GLRA2: variants seen among roughly 807,000 people sequenced by gnomAD.
GLRA2 encodes glycine receptor alpha 2, also known as glycine receptor subunit alpha-2.
A neutral mutation model predicts 31.6 loss-of-function variants in GLRA2; 11 were observed. The ratio of observed to expected loss-of-function variants is 0.35; its 90% CI spans 0.22 to 0.58. GLRA2 has a LOEUF of 0.58. Among genes scored for constraint, GLRA2 ranks in the 20% least tolerant of loss-of-function variants. The pLI is 0.84. For synonymous variants in GLRA2, 132 were observed against 134.0 expected, an observed-to-expected ratio of 0.99 and a Z score of 0.10; for missense variants, 212 against 351.8, an observed-to-expected ratio of 0.60 and a Z score of 3.18.
At chrX:14,684,230 A>T (rs1229034269) in intron 7 of GLRA2, among the ~76,000 whole-genome samples, 2 of 110,654 alleles carry the variant, frequency 1.8e-5, no homozygotes, top group Non-Finnish European at 3.8e-5. Context: ...CTTGTAGTAT[A>T]GTTTGAAGTC....
At chrX:14,508,653 T>C in the GLRA2 span, among the ~76,000 whole-genome samples, 1 of 111,940 alleles carries the variant, frequency 8.9e-6, no homozygotes, top group African/African-American at 3.2e-5. Flanking sequence ...TTGTTTGAGA[T>C]TAGGGACTTC....
At chrX:14,475,769 A>G in the GLRA2 span, among the ~76,000 whole-genome samples, 1 of 110,828 alleles carries the variant, frequency 9.0e-6, no homozygotes, top group Non-Finnish European at 1.9e-5. Context: ...TACCCTAAGT[A>G]TAATAGATAT....
chrX:14,481,101 T>C, the GLRA2 span, among the ~76,000 whole-genome samples: 2 of 111,582 alleles, frequency 1.8e-5, no homozygotes, highest in African/African-American at 6.5e-5. Context: ...CTTGGTTAGA[T>C]ATATTCCTAG....
intron 6 of GLRA2, 24 bp downstream of exon 6, chrX:14,607,292 T>TC (rs2090345331): frequency 7.2e-6 from 8 of 1,109,369 alleles, no homozygotes; most frequent in South Asian, 2.0e-5. Flanking sequence ...TTTTTTTTTT[T>TC]CAGCTGTTAA....
At chrX:14,620,807 G>A (rs2090506892) in intron 7 of GLRA2, among the ~76,000 whole-genome samples, 1 of 111,649 alleles carries the variant, frequency 9.0e-6, no homozygotes, top group African/African-American at 3.3e-5. Flanking sequence ...TTAGAGATGA[G>A]AAAACTGATG....
intron 6 of GLRA2, among the ~76,000 whole-genome samples, chrX:14,607,737 T>C (rs763027879): frequency 1.8e-5 from 2 of 111,437 alleles, no homozygotes; most frequent in South Asian, 7.6e-4. Context: ...AGAGCTGTTG[T>C]GTTCTTCAGT....
At chrX:14,640,161 T>A (rs948302072) in intron 7 of GLRA2, among the ~76,000 whole-genome samples, 1 of 111,177 alleles carries the variant, frequency 9.0e-6, no homozygotes, top group East Asian at 2.8e-4. Flanking sequence ...ATTTTTTTTT[T>A]AAAGCAAGTC....
chrX:14,579,519 G>A (rs975150073), intron 3 of GLRA2, among the ~76,000 whole-genome samples: 2 of 110,784 alleles, frequency 1.8e-5, no homozygotes, highest in South Asian at 3.8e-4. Context: ...TAGTAGAGAC[G>A]GTGTTTCACC....
At chrX:14,712,371 C>A (rs955986008) in intron 8 of GLRA2, among the ~76,000 whole-genome samples, 2 of 111,619 alleles carry the variant, frequency 1.8e-5, no homozygotes, top group Non-Finnish European at 3.8e-5. Flanking sequence ...CAAAAATGAC[C>A]CTAGTTGAGA....
chrX:14,531,764 A>G (rs1312340627), intron 1 of GLRA2, among the ~76,000 whole-genome samples: 1 of 111,498 alleles, frequency 9.0e-6, no homozygotes, highest in Non-Finnish European at 1.9e-5. Context: ...GGGAAAAATA[A>G]GCAATGAAAT....
the GLRA2 span, among the ~76,000 whole-genome samples, chrX:14,454,174 C>CCACA: frequency 0.075 from 1,947 of 26,127 alleles, 55 homozygotes; most frequent in African/African-American, 0.2. Flanking sequence ...CCACACACAC[C>CCACA]CACACCCACA....
chrX:14,500,103 T>C, the GLRA2 span, among the ~76,000 whole-genome samples: 1 of 112,176 alleles, frequency 8.9e-6, no homozygotes, highest in Non-Finnish European at 1.9e-5. Context: ...GCTTTTGCAG[T>C]CTTACACAAA....
Position 14,581,234 on chromosome X carries a change from G to T in GLRA2, c.322G>T (p.Ala108Ser). ...LRQQWNDSRL[A>S]YSEYPDDSLD... ...ACAACAGTGGAATGATTCACGGCTG[G>T]CGTACAGTGAGTACCCAGATGACTC... The change falls in exon 4 of 9, where the codon GCG becomes TCG. Residue 108 changes from alanine to serine, a missense_variant. Coordinates refer to ENST00000218075, the MANE Select transcript of GLRA2 (RefSeq NM_002063.4). 8.4e-7 allele frequency: 1 copy of T among 1,193,818 alleles called. No homozygotes were observed. Among genetic ancestry groups the T allele is most frequent in the Non-Finnish European group, 1.1e-6 (1 of 879,194 alleles).
intron 2 of GLRA2, among the ~76,000 whole-genome samples, chrX:14,560,127 G>A (rs1309465880): frequency 8.9e-6 from 1 of 112,110 alleles, no homozygotes; most frequent in African/African-American, 3.2e-5. Flanking sequence ...CTAATGGCAA[G>A]AATCTTTATG....
the GLRA2 span, among the ~76,000 whole-genome samples, chrX:14,474,362 A>G: frequency 8.1e-5 from 9 of 111,599 alleles, no homozygotes; most frequent in Non-Finnish European, 1.5e-4. Context: ...TGCTTTGTGT[A>G]ATGGTGCAGC....
intron 7 of GLRA2, among the ~76,000 whole-genome samples, chrX:14,655,736 C>G (rs764047239): frequency 8.7e-5 from 9 of 103,914 alleles, no homozygotes; most frequent in Non-Finnish European, 1.0e-4. Flanking sequence ...TGCTTCCCTC[C>G]GCATCCTCCC....
At chrX:14,604,925 G>T (rs2147092532) in intron 5 of GLRA2, among the ~76,000 whole-genome samples, 1 of 110,319 alleles carries the variant, frequency 9.1e-6, no homozygotes, top group Non-Finnish European at 1.9e-5. Context: ...AGATGAGATG[G>T]AATAAGACAG....
At chrX:14,608,966 T>C (rs766548264) in intron 6 of GLRA2, 25 bp from the exon 7 acceptor site, 10 of 758,965 alleles carry the variant, frequency 1.3e-5, no homozygotes, top group Non-Finnish European at 1.8e-5. Flanking sequence ...AGGCTGGACT[T>C]TAAATGATCA....
At chrX:14,525,898 A>G (rs2089185839), upstream of GLRA2, among the ~76,000 whole-genome samples, 1 of 112,116 alleles carries the variant, frequency 8.9e-6, no homozygotes, top group Non-Finnish European at 1.9e-5. Context: ...ACTAGTTATC[A>G]TCAATACCAT....
Sources: allele counts gnomAD v4.1 joint callset (sites outside exome capture counted in the v4.1 genomes callset), GRCh38; gene constraint gnomAD v4.1.1; transcripts MANE v1.5; gene names NCBI Gene and HGNC (gene_info 2026-07-23, HGNC 2026-07-21).